Variants in CDH13 observed in about 807,000 individuals in gnomAD.
CDH13 encodes the protein cadherin 13, also known as cadherin-13.
CDH13 carries 24 observed loss-of-function variants against 63.8 expected under a neutral mutation model. The ratio of observed to expected loss-of-function variants is 0.38; its 90% CI spans 0.27 to 0.53. The LOEUF (loss-of-function observed/expected upper bound fraction) is 0.53, where lower values mean the gene tolerates loss of function less well. Among genes scored for constraint, CDH13 ranks in the 20% least tolerant of loss-of-function variants. The pLI is 0.85. For synonymous variants in CDH13, 503 were observed against 355.3 expected, an observed-to-expected ratio of 1.42 and a Z score of -4.67; for missense variants, 1,049 against 903.1, an observed-to-expected ratio of 1.16 and a Z score of -2.07.
intron 3 of CDH13, among the ~76,000 whole-genome samples, chr16:83,080,894 T>TTTTTTG: frequency 7.2e-6 from 1 of 138,302 alleles, no homozygotes; most frequent in Non-Finnish European, 1.5e-5. Flanking sequence ...TTTTTTTTTT[T>TTTTTTG]TTTTGAGACA....
chr16:83,080,120 C>T (rs1409675989), intron 3 of CDH13, among the ~76,000 whole-genome samples: 1 of 152,046 alleles, frequency 6.6e-6, no homozygotes, highest in Admixed American at 6.6e-5. Context: ...GGAGGTTTTG[C>T]CTTTTGCAGA....
chr16:83,071,865 A>C (rs1296925901), intron 3 of CDH13, among the ~76,000 whole-genome samples: 1 of 152,194 alleles, frequency 6.6e-6, no homozygotes, highest in Non-Finnish European at 1.5e-5. Context: ...CATTTATATT[A>C]TGCATAGATT....
intron 2 of CDH13, among the ~76,000 whole-genome samples, chr16:82,879,509 A>G (rs897463052): frequency 1.7e-4 from 24 of 144,360 alleles, no homozygotes; most frequent in African/African-American, 6.0e-4. Flanking sequence ...TATTTAATAT[A>G]TATTTATAGT....
intron 2 of CDH13, among the ~76,000 whole-genome samples, chr16:82,909,936 G>A (rs1286516154): frequency 6.6e-6 from 1 of 152,122 alleles, no homozygotes; most frequent in African/African-American, 2.4e-5. Flanking sequence ...TCTGCTTCCT[G>A]GTTACAAGAG....
At chr16:83,693,671 G>A (rs1456214831) in intron 10 of CDH13, among the ~76,000 whole-genome samples, 1 of 152,200 alleles carries the variant, frequency 6.6e-6, no homozygotes, top group East Asian at 1.9e-4. Context: ...GCTATTAAAT[G>A]TAGGAGTTGA....
chr16:83,333,589 C>A (rs553899310), intron 5 of CDH13, among the ~76,000 whole-genome samples: 3 of 152,152 alleles, frequency 2.0e-5, no homozygotes, highest in African/African-American at 7.2e-5. Flanking sequence ...TAAGGTCTAA[C>A]AAAGCTTTGT....
At chr16:83,536,378 T>G (rs2075188755) in intron 7 of CDH13, among the ~76,000 whole-genome samples, 1 of 152,132 alleles carries the variant, frequency 6.6e-6, no homozygotes, top group Admixed American at 6.5e-5. Context: ...GGTCTCCTTG[T>G]GGACGTGATC....
chr16:82,858,497 C>T, intron 2 of CDH13, 24 bp downstream of exon 2: 4 of 1,305,102 alleles, frequency 3.1e-6, no homozygotes, highest in East Asian at 2.3e-5. Context: ...CTCAAAGATG[C>T]TTTTAGACTC....
rs367915976 is a variant in CDH13, at chr16:82,854,815, A to G, written c.46-3547A>G. On this transcript the variant is annotated intron_variant, in intron 1 of 13. Coordinates refer to ENST00000567109, the MANE Select transcript of CDH13 (RefSeq NM_001257.5). ...AGTTAAATTTTAATCTTGGTGAATC[A>G]CTTAAATTATGATTTGTTAATGCCT... Among the ~76,000 whole-genome samples, 4 of 152,286 alleles carry G rather than the reference A, an allele frequency of 2.6e-5. No individual in the cohort carries two copies. In the South Asian group the frequency reaches 8.3e-4, roughly 32 times the overall value.
chr16:83,667,243 C>A (rs949908206), intron 8 of CDH13, among the ~76,000 whole-genome samples: 2 of 152,164 alleles, frequency 1.3e-5, no homozygotes, highest in African/African-American at 4.8e-5. Flanking sequence ...TTCCATTCTA[C>A]TTGAATTCAT....
At chr16:83,289,127 C>T (rs1315243570) in intron 5 of CDH13, among the ~76,000 whole-genome samples, 1 of 152,076 alleles carries the variant, frequency 6.6e-6, no homozygotes, top group Admixed American at 6.5e-5. Context: ...CCTACAAGAA[C>T]CAAAAAAGAC....
At chr16:83,588,748 T>A (rs898478556) in intron 7 of CDH13, among the ~76,000 whole-genome samples, 2 of 152,232 alleles carry the variant, frequency 1.3e-5, no homozygotes. Context: ...CTGGTTGACA[T>A]CACACTTCAA....
chr16:83,386,550 C>T (rs1020030283), intron 6 of CDH13, among the ~76,000 whole-genome samples: 3 of 152,124 alleles, frequency 2.0e-5, no homozygotes, highest in Non-Finnish European at 4.4e-5. Context: ...CCACCTATAC[C>T]CGGATAGTAT....
intron 5 of CDH13, among the ~76,000 whole-genome samples, chr16:83,269,299 TC>T (rs2088723902): frequency 6.6e-6 from 1 of 152,186 alleles, no homozygotes; most frequent in Non-Finnish European, 1.5e-5. Flanking sequence ...GGGGGGCAGA[TC>T]CTATCACCAC....
intron 1 of CDH13, among the ~76,000 whole-genome samples, chr16:82,636,993 A>C (rs530681287): frequency 6.6e-6 from 1 of 152,206 alleles, no homozygotes; most frequent in Admixed American, 6.5e-5. Flanking sequence ...GAATGTTTTC[A>C]TCTGTAAAAT....
At chr16:83,199,158 C>T (rs535110422) in intron 4 of CDH13, among the ~76,000 whole-genome samples, 1 of 152,212 alleles carries the variant, frequency 6.6e-6, no homozygotes, top group East Asian at 1.9e-4. Flanking sequence ...TTGTGTGGCA[C>T]ACATATCTCA....
intron 7 of CDH13, among the ~76,000 whole-genome samples, chr16:83,499,741 C>T (rs2074227226): frequency 6.6e-6 from 1 of 152,148 alleles, no homozygotes; most frequent in Non-Finnish European, 1.5e-5. Flanking sequence ...TTGCTGTTAT[C>T]TGTATTTTCT....
chr16:82,707,857 C>A (rs978893195), intron 1 of CDH13, among the ~76,000 whole-genome samples: 2 of 152,112 alleles, frequency 1.3e-5, no homozygotes, highest in African/African-American at 2.4e-5. Flanking sequence ...AAAATTTACC[C>A]AAAGAAAGGA....
intron 8 of CDH13, among the ~76,000 whole-genome samples, chr16:83,653,213 C>T (rs908982343): frequency 3.5e-4 from 53 of 152,192 alleles, no homozygotes; most frequent in Admixed American, 2.0e-4. Flanking sequence ...TAAAAAAATT[C>T]TAAAATTGAT....
Sources: gnomAD v4.1 joint callset for allele counts (sites outside exome capture counted in the v4.1 genomes callset) on GRCh38, gnomAD v4.1.1 for gene constraint, MANE v1.5 for transcripts, NCBI Gene and HGNC (gene_info 2026-07-23, HGNC 2026-07-21) for gene names.